The following BIN3 variants were observed in gnomAD, a reference collection of about 807,000 sequenced individuals.
BIN3 encodes the protein bridging integrator 3.
A neutral mutation model predicts 38.2 loss-of-function variants in BIN3; 41 were observed. The ratio of observed to expected loss-of-function variants is 1.07; its 90% CI spans 0.84 to 1.39. BIN3 has a LOEUF of 1.39. BIN3 is among the 40% of genes most tolerant of loss of function. BIN3 has a pLI of 0.00. For synonymous variants in BIN3, 145 were observed against 122.6 expected, an observed-to-expected ratio of 1.18 and a Z score of -1.21; for missense variants, 361 against 324.3, an observed-to-expected ratio of 1.11 and a Z score of -0.87.
In BIN3 at chr8:22,624,332, C is replaced by A. The variant is rs1389701954; in HGVS notation, c.370G>T (p.Ala124Ser). ...AAGGCCTGTTCCCGCCTCTTCACAG[C>A]CATGTTGAGGCTCGGGAAGACACTG... is the stretch of plus-strand genomic sequence containing the variant. ...FGSVFPSLNM[A>S]VKRREQALQD... The change falls in exon 7 of 9, where the codon GCT becomes TCT. Residue 124 changes from alanine (A) to serine (S), a missense_variant. Transcript: ENST00000276416. 6 of 1,613,692 alleles carry A rather than the reference C, an allele frequency of 3.7e-6. No homozygotes were observed. The highest frequency in any genetic ancestry group is 5.1e-6 in the Non-Finnish European group (6 of 1,179,810).
Position 22,636,762 on chromosome 8 carries a change from T to C in BIN3, c.98+160A>G. On this transcript the variant is annotated intron_variant, in intron 3 of 8. Coordinates refer to ENST00000276416, the MANE Select transcript of BIN3 (RefSeq NM_018688.6). ...AGGCTATGAGTGAATGACTCTCACA[T>C]GGCCATTGCCAGGGAACAGTTCCAG... 3.0e-6 allele frequency: 3 copies of C among 999,484 alleles called. No homozygotes were observed. The Admixed American group carries it at 6.2e-5, about 21-fold the overall frequency. 61.9% of individuals were successfully genotyped at this position (999,484 alleles called of 1,614,324 possible).
intron 2 of BIN3, among the ~76,000 whole-genome samples, chr8:22,643,287 T>G (rs959252693): frequency 4.6e-5 from 7 of 151,962 alleles, no homozygotes; most frequent in African/African-American, 1.7e-4. Context: ...CAGCGCTGAG[T>G]TGGTCAGCAC....
chr8:22,660,408 C>T (rs753056243), intron 1 of BIN3, among the ~76,000 whole-genome samples: 2 of 152,238 alleles, frequency 1.3e-5, no homozygotes, highest in Admixed American at 6.5e-5. Flanking sequence ...AGCACCAGAC[C>T]GGCTGTTTAG....
At chr8:22,666,585 G>A (rs1408819715) in intron 1 of BIN3, among the ~76,000 whole-genome samples, 1 of 152,138 alleles carries the variant, frequency 6.6e-6, no homozygotes, top group East Asian at 1.9e-4. Flanking sequence ...GGTAGATGGT[G>A]CAGGAAGGCA....
chr8:22,652,593 G>GACC (rs1419116597), intron 1 of BIN3, among the ~76,000 whole-genome samples: 1 of 152,180 alleles, frequency 6.6e-6, no homozygotes, highest in Non-Finnish European at 1.5e-5. Flanking sequence ...ACTTCACTAG[G>GACC]GCAGTCCCAC....
At chr8:22,666,050 T>C (rs1016453693) in intron 1 of BIN3, among the ~76,000 whole-genome samples, 36 of 152,088 alleles carry the variant, frequency 2.4e-4, no homozygotes, top group African/African-American at 7.7e-4. Context: ...CTACTCACAC[T>C]TACCTGCTCT....
intron 8 of BIN3, among the ~76,000 whole-genome samples, 180 bp downstream of exon 8, chr8:22,623,735 A>G (rs565407690): frequency 6.6e-6 from 1 of 152,236 alleles, no homozygotes; most frequent in African/African-American, 2.4e-5. Context: ...AACAGCAGAC[A>G]GGTCCCCCAA....
At chr8:22,632,336 T>C (rs1034674185) in intron 4 of BIN3, among the ~76,000 whole-genome samples, 1 of 152,192 alleles carries the variant, frequency 6.6e-6, no homozygotes, top group Non-Finnish European at 1.5e-5. Context: ...AAAGCAGCGC[T>C]GAGCGGACTA....
chr8:22,662,041 C>T (rs1433841661), intron 1 of BIN3, among the ~76,000 whole-genome samples: 1 of 152,174 alleles, frequency 6.6e-6, no homozygotes, highest in Non-Finnish European at 1.5e-5. Flanking sequence ...CTGATCTGCC[C>T]GCCTCTGCCT....
intron 4 of BIN3, chr8:22,634,397 G>C (rs1347162392): frequency 6.8e-6 from 3 of 442,074 alleles, no homozygotes; most frequent in Non-Finnish European, 1.4e-5. Context: ...TCCCTGCACA[G>C]GCAGTCAGCG....
intron 1 of BIN3, among the ~76,000 whole-genome samples, chr8:22,659,180 G>T (rs1803152521): frequency 6.6e-6 from 1 of 152,238 alleles, no homozygotes. Flanking sequence ...AAAGGCCAAG[G>T]AAAGTTCAGC....
At position 22,652,498 on chromosome 8, in the gene BIN3, CAT is replaced by C. The variant is rs537451934; in HGVS notation, c.9-7697_9-7696del. On this transcript the variant is annotated intron_variant, in intron 1 of 8. Transcript: ENST00000276416. ...GCCTGCGTGTGCATGTATGTGTACACATGTGTGCATGTGCGCATGTGTGGTGG... is the reference window on the plus strand; with the variant it reads ...GCCTGCGTGTGCATGTATGTGTACACGTGTGCATGTGCGCATGTGTGGTGG... Among the ~76,000 whole-genome samples, 515 of 152,312 alleles carry C rather than the reference CAT, an allele frequency of 3.4e-3. 5 individuals are homozygous for C. The highest frequency in any genetic ancestry group is 0.012 in the African/African-American group (485 of 41,564).
chr8:22,666,024 C>T (rs767476030), intron 1 of BIN3, among the ~76,000 whole-genome samples: 19 of 152,118 alleles, frequency 1.2e-4, no homozygotes, highest in Non-Finnish European at 1.8e-4. Flanking sequence ...AGAACCTGAA[C>T]GCAGCACTCT....
chr8:22,621,693 C>G, intron 8 of BIN3, 125 bp from the exon 9 acceptor site: 1 of 1,053,394 alleles, frequency 9.5e-7, no homozygotes, highest in East Asian at 2.4e-5. Context: ...AGCAGCGTGC[C>G]TTTGGGGATA....
At chr8:22,632,381 A>C (rs973593886) in intron 4 of BIN3, among the ~76,000 whole-genome samples, 4 of 152,168 alleles carry the variant, frequency 2.6e-5, no homozygotes, top group Admixed American at 1.3e-4. Context: ...GTTTTTCTGG[A>C]ATCTGGGAGA....
chr8:22,636,447 C>A, intron 4 of BIN3, 78 bp downstream of exon 4: 1 of 1,465,626 alleles, frequency 6.8e-7, no homozygotes, highest in Non-Finnish European at 9.3e-7. Flanking sequence ...CTTCAGAGCC[C>A]TTGGGGGGCT....
At chr8:22,659,422 C>G (rs915023390) in intron 1 of BIN3, among the ~76,000 whole-genome samples, 3 of 152,186 alleles carry the variant, frequency 2.0e-5, no homozygotes, top group Non-Finnish European at 4.4e-5. Context: ...TGACTTGGAC[C>G]AGAACAATCT....
At position 22,630,699 on chromosome 8, in the gene BIN3, G is replaced by A. The variant is rs189374699; in HGVS notation, c.161-121C>T. 84 of 1,176,504 alleles carry A rather than the reference G, an allele frequency of 7.1e-5. No homozygotes were observed. The African/African-American group carries it at 1.1e-3, about 15-fold the overall frequency. 72.9% of individuals were successfully genotyped at this position (1,176,504 alleles called of 1,614,324 possible). On this transcript the variant is annotated intron_variant, in intron 4 of 8. Transcript: ENST00000276416. Reference sequence around the variant, plus strand: ...CCTGAAGACCTCTTCCCACAGCCACGGCCGTCAAGAACGGCGAAGTACCAC... The same window carrying A: ...CCTGAAGACCTCTTCCCACAGCCACAGCCGTCAAGAACGGCGAAGTACCAC...
At chr8:22,630,135 G>T (rs979878585) in intron 5 of BIN3, 131 bp from the exon 6 acceptor site, 3 of 1,111,630 alleles carry the variant, frequency 2.7e-6, no homozygotes, top group Non-Finnish European at 4.0e-6. Context: ...CCTGGGCCTG[G>T]CTTTGCTCAG....
Sources: gnomAD v4.1 joint callset for allele counts (sites outside exome capture counted in the v4.1 genomes callset) on GRCh38, gnomAD v4.1.1 for gene constraint, MANE v1.5 for transcripts, NCBI Gene and HGNC (gene_info 2026-07-23, HGNC 2026-07-21) for gene names.